PTPRJ: variants seen among roughly 807,000 people sequenced by gnomAD.
The protein encoded by PTPRJ is protein tyrosine phosphatase receptor type J, also known as receptor-type tyrosine-protein phosphatase eta.
PTPRJ carries 129 observed loss-of-function variants against 141.3 expected under a neutral mutation model. That is an observed-to-expected ratio of 0.91 (90% confidence interval 0.79 to 1.06). PTPRJ has a LOEUF of 1.06. Among genes scored for constraint, PTPRJ ranks in the 50% least tolerant of loss-of-function variants. The probability of loss-of-function intolerance (pLI) is 0.00; values close to 1 mark genes in which losing one functional copy is unlikely to be tolerated. For synonymous variants in PTPRJ, 610 were observed against 640.5 expected (o/e 0.95, Z 0.72); for missense variants, 1,601 against 1,679.7 (o/e 0.95, Z 0.82).
chr11:48,079,817 T>C (rs1387653130), intron 1 of PTPRJ, among the ~76,000 whole-genome samples: 3 of 152,158 alleles, frequency 2.0e-5, no homozygotes, highest in Non-Finnish European at 4.4e-5. Context: ...GGAGGTCAAC[T>C]TCCCTACAGT....
rs1304849135 is a variant in PTPRJ at position 48,117,693 on chromosome 11, AT to A, written c.353-3309del. On this transcript the variant is annotated intron_variant, in intron 3 of 24. Coordinates refer to ENST00000418331, the MANE Select transcript of PTPRJ (RefSeq NM_002843.4). ...GAACTAGAAAAATAAGAACAAACTA[AT>A]CTTCAAATTAGTAAAAGGAACAAAA... 2.6e-5 allele frequency among the ~76,000 whole-genome samples: 4 copies of A among 152,178 alleles called. No homozygotes were observed. In the East Asian group the frequency reaches 7.7e-4, roughly 29 times the overall value.
At chr11:48,027,376 A>G (rs1374695666) in intron 1 of PTPRJ, among the ~76,000 whole-genome samples, 1 of 152,048 alleles carries the variant, frequency 6.6e-6, no homozygotes, top group Non-Finnish European at 1.5e-5. Context: ...GAGTCTTCCC[A>G]TAAAAGGGAG....
intron 1 of PTPRJ, among the ~76,000 whole-genome samples, chr11:48,046,900 ATATATATATATATTTT>A (rs1854414601): frequency 3.6e-5 from 3 of 82,206 alleles, no homozygotes; most frequent in African/African-American, 1.6e-4. Flanking sequence ...ATATATATAT[ATATATATATATATTTT>A]TTTTTTTTTT....
At chr11:48,155,686 C>A (rs1590565602) in intron 19 of PTPRJ, 115 bp from the exon 20 acceptor site, 1 of 821,744 alleles carries the variant, frequency 1.2e-6, no homozygotes, top group Non-Finnish European at 1.9e-6. Context: ...TGTGCATCTT[C>A]AAAGACACAA....
intron 1 of PTPRJ, among the ~76,000 whole-genome samples, chr11:48,083,613 G>A (rs1489462723): frequency 6.6e-6 from 1 of 152,140 alleles, no homozygotes; most frequent in East Asian, 1.9e-4. Context: ...TATAGTGTAA[G>A]TTTACTTGTC....
At chr11:48,128,467 G>A (rs1392897296) in intron 7 of PTPRJ, among the ~76,000 whole-genome samples, 2 of 152,140 alleles carry the variant, frequency 1.3e-5, no homozygotes, top group Admixed American at 6.5e-5. Flanking sequence ...TGGCACAGCT[G>A]TATCTCATCT....
chr11:48,054,756 A>C (rs79814308), intron 1 of PTPRJ, among the ~76,000 whole-genome samples: 3,828 of 151,276 alleles, frequency 0.025, 161 homozygotes, highest in African/African-American at 0.088. Context: ...AGTCTGTTTT[A>C]TATGAGAACA....
chr11:48,037,674 G>A (rs557925552), intron 1 of PTPRJ, among the ~76,000 whole-genome samples: 19 of 152,188 alleles, frequency 1.2e-4, no homozygotes, highest in African/African-American at 4.1e-4. Context: ...TTAGGTGGGC[G>A]TGGTGATGGG....
chr11:48,162,994 G>A (rs557941315), intron 22 of PTPRJ, among the ~76,000 whole-genome samples: 2 of 152,272 alleles, frequency 1.3e-5, no homozygotes, highest in South Asian at 4.2e-4. Context: ...TGCCTAGAAG[G>A]CACTGATTAT....
At chr11:48,095,418 T>C (rs1855976985) in intron 1 of PTPRJ, among the ~76,000 whole-genome samples, 1 of 152,134 alleles carries the variant, frequency 6.6e-6, no homozygotes, top group Non-Finnish European at 1.5e-5. Flanking sequence ...CTAATAATGA[T>C]CTTCAACTGG....
rs1857188250 is a variant in PTPRJ, at chr11:48,139,654, C to G, written c.2321C>G (p.Thr774Ser). Residue 774 changes from threonine to serine, a missense_variant, in exon 11 of 25, where the codon ACT becomes AGT. By Grantham distance (58) the Thr-to-Ser change is moderately conservative. Transcript: ENST00000418331. ...HLESCSSENG[T>S]EYRTEVTYLN... Reference sequence around the variant, plus strand: ...GAGAGCTGCTCCTCTGAGAATGGCACTGAGTATAGAACGGAAGTCACGTAT... The same window carrying G: ...GAGAGCTGCTCCTCTGAGAATGGCAGTGAGTATAGAACGGAAGTCACGTAT... 6.2e-7 allele frequency: 1 copy of G among 1,614,246 alleles called. No homozygotes were observed. The highest frequency in any genetic ancestry group is 8.5e-7 in the Non-Finnish European group (1 of 1,180,050).
At chr11:48,153,759 A>G in intron 18 of PTPRJ, 37 bp from the exon 19 acceptor site, 1 of 1,344,250 alleles carries the variant, frequency 7.4e-7, no homozygotes, top group Admixed American at 1.7e-5. Context: ...ATATTTGAAG[A>G]CTAAATAAAT....
At chr11:48,007,153 T>C (rs553092430) in intron 1 of PTPRJ, among the ~76,000 whole-genome samples, 114 of 152,108 alleles carry the variant, frequency 7.5e-4, no homozygotes, top group African/African-American at 2.5e-3. Flanking sequence ...CAGGCTGGAG[T>C]GCAGTGGCGC....
chr11:48,162,808 A>G (rs536203539), intron 22 of PTPRJ, among the ~76,000 whole-genome samples: 25 of 152,294 alleles, frequency 1.6e-4, no homozygotes, highest in African/African-American at 6.0e-4. Flanking sequence ...GGTATGAGGT[A>G]GGGAACCAGT....
At position 48,127,808 on chromosome 11, in the gene PTPRJ, T is replaced by C; in HGVS notation, c.1122T>C (p.Ala374=). 6.2e-7 allele frequency: 1 copy of C among 1,614,206 alleles called. No individual in the cohort carries two copies. Among genetic ancestry groups the C allele is most frequent in the Non-Finnish European group, 8.5e-7 (1 of 1,180,030 alleles). Reference sequence around the variant, plus strand: ...CTATTCAGGTTTTTGACGTCACCGCTGTGAACATCAGTGCCACAAGCCTGA... The same window carrying C: ...CTATTCAGGTTTTTGACGTCACCGCCGTGAACATCAGTGCCACAAGCCTGA... ...TNAIQVFDVT[A]VNISATSLTL... is the part of the protein sequence containing the mutation. Residue 374 remains alanine, a synonymous_variant, in exon 7 of 25, where the codon GCT becomes GCC. Coordinates refer to ENST00000418331, the MANE Select transcript of PTPRJ (RefSeq NM_002843.4).
At chr11:48,002,262 C>T (rs1198941483) in intron 1 of PTPRJ, among the ~76,000 whole-genome samples, 1 of 151,690 alleles carries the variant, frequency 6.6e-6, no homozygotes, top group Non-Finnish European at 1.5e-5. Flanking sequence ...CTCAGCCTCC[C>T]GAGTAGCTGG....
intron 14 of PTPRJ, 55 bp downstream of exon 14, chr11:48,145,179 T>C: frequency 6.2e-7 from 1 of 1,609,314 alleles, no homozygotes; most frequent in African/African-American, 1.3e-5. Context: ...GCTCCACGTG[T>C]CCATAGAAGG....
At chr11:47,982,836 A>G (rs1005857769) in intron 1 of PTPRJ, among the ~76,000 whole-genome samples, 1 of 151,938 alleles carries the variant, frequency 6.6e-6, no homozygotes, top group Non-Finnish European at 1.5e-5. Flanking sequence ...CTTGTCCTGT[A>G]TTTAGATATT....
intron 1 of PTPRJ, among the ~76,000 whole-genome samples, chr11:48,026,531 G>C (rs1272758015): frequency 1.3e-5 from 2 of 151,650 alleles, no homozygotes. Flanking sequence ...GCCCAGGCTG[G>C]AGTGCAATGG....
Sources: allele counts gnomAD v4.1 joint callset (sites outside exome capture counted in the v4.1 genomes callset), GRCh38; gene constraint gnomAD v4.1.1; transcripts MANE v1.5; gene names NCBI Gene and HGNC (gene_info 2026-07-23, HGNC 2026-07-21).